DIAPH2: variants seen among roughly 807,000 people sequenced by gnomAD.
The protein encoded by DIAPH2 is protein diaphanous homolog 2.
DIAPH2 carries 35 observed loss-of-function variants against 92.7 expected under a neutral mutation model. That is an observed-to-expected ratio of 0.38 (90% CI 0.29 to 0.50). The LOEUF is 0.50. Among genes scored for constraint, DIAPH2 ranks in the 20% least tolerant of loss-of-function variants. DIAPH2 has a pLI of 0.94. For missense variants in DIAPH2, 701 were observed against 819.5 expected (o/e 0.86, Z 1.77); for synonymous variants, 301 against 280.4 (o/e 1.07, Z -0.73).
At chrX:97,145,325 G>GTAGTAGTA (rs1569312319) in intron 22 of DIAPH2, among the ~76,000 whole-genome samples, 17 of 13,560 alleles carry the variant, frequency 1.3e-3, no homozygotes, top group African/African-American at 4.7e-3. Flanking sequence ...TAGTAGTAGT[G>GTAGTAGTA]GTAGTAGTAG....
In DIAPH2 at chrX:96,945,565, C is replaced by A; in HGVS notation, c.1483C>A (p.Gln495Lys). The change falls in exon 14 of 27, where the codon CAA (glutamine) becomes AAA (lysine). Residue 495 changes from glutamine to lysine, a missense_variant. Transcript: ENST00000324765. ...VNKAKVEESEQKAAEFSKKFD... is the reference protein window; with the variant it reads ...VNKAKVEESEKKAAEFSKKFD... ...CAAGGCGAAAGTTGAAGAAAGTGAACAAAAAGCTGCAGAGTTTTCAAAGAA... is the reference window on the plus strand; with the variant it reads ...CAAGGCGAAAGTTGAAGAAAGTGAAAAAAAAGCTGCAGAGTTTTCAAAGAA... 2 of 1,157,033 alleles carry A rather than the reference C, an allele frequency of 1.7e-6. No individual in the cohort carries two copies.
At chrX:96,963,719 C>T (rs1392898538) in intron 16 of DIAPH2, among the ~76,000 whole-genome samples, 1 of 111,403 alleles carries the variant, frequency 9.0e-6, no homozygotes, top group Non-Finnish European at 1.9e-5. Context: ...CTGTAACTTC[C>T]CTGCCAAATT....
At chrX:97,283,970 A>G (rs1382781270) in intron 23 of DIAPH2, among the ~76,000 whole-genome samples, 1 of 111,985 alleles carries the variant, frequency 8.9e-6, no homozygotes, top group Non-Finnish European at 1.9e-5. Flanking sequence ...AAAATAAAAT[A>G]TTTAACAACT....
intron 9 of DIAPH2, among the ~76,000 whole-genome samples, chrX:96,921,651 C>T (rs2065544299): frequency 9.2e-6 from 1 of 108,347 alleles, no homozygotes; most frequent in South Asian, 4.0e-4. Context: ...TTTTACTTCC[C>T]TTGACTTTCT....
intron 4 of DIAPH2, among the ~76,000 whole-genome samples, chrX:96,787,583 G>C (rs1445938968): frequency 9.1e-6 from 1 of 110,139 alleles, no homozygotes; most frequent in Non-Finnish European, 1.9e-5. Context: ...TTTTCTAATG[G>C]GAGGAATGTG....
At chrX:97,478,874 G>GAATA (rs2070629974) in intron 26 of DIAPH2, among the ~76,000 whole-genome samples, 1 of 111,363 alleles carries the variant, frequency 9.0e-6, no homozygotes, top group Non-Finnish European at 1.9e-5. Context: ...ATGGTAGAAT[G>GAATA]CCGTGGTACC....
chrX:97,545,428 G>A (rs749919700), intron 26 of DIAPH2, among the ~76,000 whole-genome samples: 1 of 105,863 alleles, frequency 9.4e-6, no homozygotes, highest in Non-Finnish European at 1.9e-5. Context: ...CTGTTTAGTT[G>A]AATTAAAAAT....
intron 26 of DIAPH2, among the ~76,000 whole-genome samples, chrX:97,594,070 A>G (rs2071535111): frequency 9.0e-6 from 1 of 111,668 alleles, no homozygotes; most frequent in Non-Finnish European, 1.9e-5. Flanking sequence ...TACATATGGC[A>G]TATGTAAAGA....
rs371285334 is a variant in DIAPH2, at chrX:96,821,333, T to C, written c.448-60246T>C. On this transcript the variant is annotated intron_variant, in intron 4 of 26. Transcript: ENST00000324765. ...TGTTTTATATTCTCCTTCACTCTTT[T>C]TTTTCTCCTGGTGAAGCAGCAGAAC... 4.1e-4 allele frequency among the ~76,000 whole-genome samples: 46 copies of C among 111,889 alleles called. No individual in the cohort carries two copies. The South Asian group carries it at 0.017, about 40-fold the overall frequency.
At chrX:96,822,099 G>A (rs2064782257) in intron 4 of DIAPH2, among the ~76,000 whole-genome samples, 1 of 109,589 alleles carries the variant, frequency 9.1e-6, no homozygotes, top group Admixed American at 9.8e-5. Flanking sequence ...GAAAGTTTCT[G>A]CACTATTTTT....
intron 20 of DIAPH2, among the ~76,000 whole-genome samples, chrX:97,104,442 G>A (rs746219731): frequency 6.1e-4 from 67 of 109,804 alleles, no homozygotes; most frequent in Non-Finnish European, 1.0e-3. Context: ...AGGGTGGAGT[G>A]CAGTGGCGAG....
chrX:97,253,003 G>A (rs866302779), intron 23 of DIAPH2, among the ~76,000 whole-genome samples: 15 of 111,354 alleles, frequency 1.3e-4, no homozygotes, highest in South Asian at 3.7e-4. Context: ...AAAACCACAA[G>A]GGGGGCCGGG....
At position 97,311,827 on chromosome X, in the gene DIAPH2, C is replaced by CT. The variant is rs1173086762; in HGVS notation, c.2845-36279dup. ...TTGCCTTGGGAAATGCCGTTATCAT[C>CT]TTTTTTTTTTGGGTGGGGGAGGACA... On this transcript the variant is annotated intron_variant, in intron 23 of 26. Coordinates refer to ENST00000324765, the MANE Select transcript of DIAPH2 (RefSeq NM_006729.5). 3.3e-3 allele frequency among the ~76,000 whole-genome samples: 356 copies of CT among 106,368 alleles called. 1 individual carries two copies. Among genetic ancestry groups the CT allele is most frequent in the African/African-American group, 0.011 (327 of 29,439 alleles). 92.4% of individuals were successfully genotyped at this position (106,368 alleles called of 115,157 possible).
At chrX:96,817,494 A>G (rs1388949087) in intron 4 of DIAPH2, among the ~76,000 whole-genome samples, 2 of 112,007 alleles carry the variant, frequency 1.8e-5, no homozygotes, top group African/African-American at 3.2e-5. Flanking sequence ...ACAATGTCAT[A>G]TTAACTTTTT....
chrX:97,549,802 G>T (rs2071207216), intron 26 of DIAPH2, among the ~76,000 whole-genome samples: 1 of 111,548 alleles, frequency 9.0e-6, no homozygotes, highest in Admixed American at 9.6e-5. Flanking sequence ...ATCTAATCAT[G>T]AGGAAACATC....
chrX:96,868,187 A>G (rs149155101), intron 4 of DIAPH2, among the ~76,000 whole-genome samples: 1,411 of 111,819 alleles, frequency 0.013, 23 homozygotes, highest in African/African-American at 0.044. Flanking sequence ...TTTGGTACAT[A>G]TGTGTTTTCA....
chrX:97,221,176 T>G (rs1382993333), intron 22 of DIAPH2, among the ~76,000 whole-genome samples: 1 of 111,544 alleles, frequency 9.0e-6, no homozygotes, highest in Non-Finnish European at 1.9e-5. Context: ...GGTCATTGAC[T>G]AAAGTCTTAT....
At chrX:97,218,337 GC>G (rs1303129758) in intron 22 of DIAPH2, among the ~76,000 whole-genome samples, 1 of 111,376 alleles carries the variant, frequency 9.0e-6, no homozygotes, top group Non-Finnish European at 1.9e-5. Context: ...TGATCTGCCT[GC>G]CTCGGCCTCC....
At chrX:97,492,321 G>A (rs1490328190) in intron 26 of DIAPH2, among the ~76,000 whole-genome samples, 1 of 111,060 alleles carries the variant, frequency 9.0e-6, no homozygotes, top group African/African-American at 3.3e-5. Context: ...TATATTCCCA[G>A]CTTCTCAGGA....
Sources: allele counts gnomAD v4.1 joint callset (sites outside exome capture counted in the v4.1 genomes callset), GRCh38; gene constraint gnomAD v4.1.1; transcripts MANE v1.5; gene names NCBI Gene and HGNC (gene_info 2026-07-23, HGNC 2026-07-21).